The following RPTOR variants were observed in gnomAD, a reference collection of about 807,000 sequenced individuals.
RPTOR encodes the protein regulatory-associated protein of mTOR.
RPTOR carries 21 observed loss-of-function variants against 169.9 expected under a neutral mutation model. The ratio of observed to expected loss-of-function variants is 0.12; its 90% confidence interval spans 0.09 to 0.18. RPTOR has a LOEUF of 0.18. RPTOR is among the 10% of genes least tolerant of loss of function. The pLI is 1.00. For synonymous variants in RPTOR, 732 were observed against 753.2 expected, an observed-to-expected ratio of 0.97 and a Z score of 0.46; for missense variants, 1,133 against 1,855.9, an observed-to-expected ratio of 0.61 and a Z score of 7.16.
At chr17:80,888,546 G>C (rs2068276713) in intron 17 of RPTOR, among the ~76,000 whole-genome samples, 1 of 152,250 alleles carries the variant, frequency 6.6e-6, no homozygotes, top group African/African-American at 2.4e-5. Flanking sequence ...GAGGCGAGGT[G>C]GGCCAGTAGC....
At chr17:80,770,874 C>T (rs1174005360) in intron 6 of RPTOR, among the ~76,000 whole-genome samples, 2 of 152,330 alleles carry the variant, frequency 1.3e-5, no homozygotes, top group East Asian at 1.9e-4. Context: ...TTCCTTAAAT[C>T]GGGCATCTTC....
At chr17:80,699,718 T>C (rs113315017) in intron 3 of RPTOR, among the ~76,000 whole-genome samples, 1 of 129,882 alleles carries the variant, frequency 7.7e-6, no homozygotes, top group East Asian at 2.3e-4. Context: ...CTGTGCACGG[T>C]GCCCTGGTGC....
intron 5 of RPTOR, among the ~76,000 whole-genome samples, chr17:80,734,181 T>C (rs1473422484): frequency 6.7e-6 from 1 of 148,180 alleles, no homozygotes; most frequent in Non-Finnish European, 1.5e-5. Context: ...ACATTTCCTC[T>C]TTTCTTCTTG....
At chr17:80,666,880 A>G (rs9911744) in intron 3 of RPTOR, among the ~76,000 whole-genome samples, 1,994 of 152,188 alleles carry the variant, frequency 0.013, 59 homozygotes, top group African/African-American at 0.045. Flanking sequence ...AGCCATGCGA[A>G]TTACTGCCCG....
intron 5 of RPTOR, among the ~76,000 whole-genome samples, chr17:80,733,122 C>G (rs1414027526): frequency 6.6e-6 from 1 of 152,060 alleles, no homozygotes; most frequent in African/African-American, 2.4e-5. Flanking sequence ...GTCCTGGGAC[C>G]AGGAGGTTTA....
chr17:80,881,994 A>G (rs920373584), intron 14 of RPTOR, among the ~76,000 whole-genome samples: 4 of 152,258 alleles, frequency 2.6e-5, no homozygotes, highest in African/African-American at 4.8e-5. Context: ...TTCTAAACTC[A>G]TAAGCAGATC....
intron 25 of RPTOR, among the ~76,000 whole-genome samples, chr17:80,944,175 C>T (rs965258588): frequency 5.9e-5 from 9 of 152,310 alleles, no homozygotes; most frequent in East Asian, 5.8e-4. Flanking sequence ...GTTAAGTCCA[C>T]GTTCCCCTCT....
At position 80,658,129 on chromosome 17, in the gene RPTOR, T is replaced by A. The variant is rs1178758320; in HGVS notation, c.348+14319T>A. On this transcript the variant is annotated intron_variant, in intron 3 of 33. Transcript: ENST00000306801. ...TTTGCATGGTGTCAACATCATGGGG[T>A]TGGAGTTTCTATGTGGATTTTAAAC... is the stretch of plus-strand genomic sequence containing the variant. Among the ~76,000 whole-genome samples the A allele has an allele frequency of 2.6e-5, 4 of 152,324 alleles. No homozygotes were observed. The East Asian group carries it at 7.7e-4, about 29-fold the overall frequency.
chr17:80,904,066 G>C (rs146394307), intron 20 of RPTOR, among the ~76,000 whole-genome samples: 1 of 152,218 alleles, frequency 6.6e-6, no homozygotes, highest in South Asian at 2.1e-4. Flanking sequence ...CGATGCAGAC[G>C]CACCGCCCAC....
At chr17:80,933,810 A>G (rs1598409746) in intron 24 of RPTOR, among the ~76,000 whole-genome samples, 1 of 152,268 alleles carries the variant, frequency 6.6e-6, no homozygotes, top group East Asian at 1.9e-4. Flanking sequence ...ACCTTCCGTC[A>G]CTGCTTTATG....
At position 80,960,036 on chromosome 17, in the gene RPTOR, C is replaced by T. The variant is rs769671613; in HGVS notation, c.3478-42C>T. 1.9e-5 allele frequency: 31 copies of T among 1,606,872 alleles called. No individual in the cohort carries two copies. Among genetic ancestry groups the T allele is most frequent in the Non-Finnish European group, 2.5e-5 (29 of 1,175,746 alleles). On this transcript the variant is annotated intron_variant, in intron 29 of 33. Coordinates refer to ENST00000306801, the MANE Select transcript of RPTOR (RefSeq NM_020761.3). The surrounding 1 kb of genome is among the most constrained non-coding windows in gnomAD (Gnocchi z 4.8). The stretch of plus-strand genomic sequence containing the variant: ...CTGCAGGACAGCAGGGAGGGTGGCT[C>T]GGTGCCCCGGTCTTCACCGGGCTGC...
chr17:80,635,113 T>A (rs2171023), intron 2 of RPTOR, among the ~76,000 whole-genome samples: 14,368 of 152,260 alleles, frequency 0.094, 745 homozygotes, highest in Middle Eastern at 0.13. Context: ...GCTAATGTGG[T>A]GCCTCCTCCT....
rs187199661 is a variant in RPTOR at position 80,696,745 on chromosome 17, G to A, written c.349-11096G>A. Among the ~76,000 whole-genome samples the A allele has an allele frequency of 4.9e-3, 751 of 152,290 alleles. 1 individual carries two copies. Among genetic ancestry groups the A allele is most frequent in the Middle Eastern group, 0.01 (3 of 294 alleles). On this transcript the variant is annotated intron_variant, in intron 3 of 33. Coordinates refer to ENST00000306801, the MANE Select transcript of RPTOR (RefSeq NM_020761.3). ...TGCAGGCGGGAGCACGTGAGTGAGC[G>A]AGTGTGGGATCCAGCCAGCCCCCCC...
chr17:80,773,553 TC>T (rs1248190046), intron 6 of RPTOR, among the ~76,000 whole-genome samples: 1 of 152,208 alleles, frequency 6.6e-6, no homozygotes, highest in African/African-American at 2.4e-5. Context: ...TGTGCTTTGC[TC>T]CAAGGCAGGC....
chr17:80,730,774 G>GGGGGGGGGT lies in RPTOR; in HGVS notation c.654+68_654+69insGGGGGGGGT. 8.5e-7 allele frequency: 1 copy of GGGGGGGGGT among 1,173,522 alleles called. No homozygotes were observed. Among genetic ancestry groups the GGGGGGGGGT allele is most frequent in the South Asian group, 1.2e-5 (1 of 80,062 alleles). The allele number at this position is 1,173,522 out of a possible 1,614,324, so 72.7% of individuals were successfully genotyped here. On this transcript the variant is annotated intron_variant, in intron 5 of 33. Transcript: ENST00000306801. The surrounding 1 kb of genome is among the most constrained non-coding windows in gnomAD (Gnocchi z 4.2). ...TGTTTTCCCTGGGGGTGGGGTTTGG[G>GGGGGGGGGT]TGGGGAGGTTGGGAGGTGTTGGACA...
At chr17:80,666,106 C>T (rs956101437) in intron 3 of RPTOR, among the ~76,000 whole-genome samples, 4 of 151,986 alleles carry the variant, frequency 2.6e-5, no homozygotes, top group Admixed American at 2.6e-4. Context: ...CGATGCCTTT[C>T]AATATGAAAT....
At chr17:80,685,629 T>TATATATA (rs1433182285) in intron 3 of RPTOR, among the ~76,000 whole-genome samples, 2 of 22,146 alleles carry the variant, frequency 9.0e-5, no homozygotes, top group African/African-American at 1.5e-4. Flanking sequence ...ATATATATAT[T>TATATATA]TTTTTTTTTT....
chr17:80,912,824 A>G (rs1351897919), intron 21 of RPTOR, among the ~76,000 whole-genome samples: 1 of 152,212 alleles, frequency 6.6e-6, no homozygotes, highest in East Asian at 1.9e-4. Flanking sequence ...AACCGCCATA[A>G]AAGTGGCATT....
chr17:80,559,977 A>C (rs1401075361), intron 1 of RPTOR, among the ~76,000 whole-genome samples: 1 of 152,206 alleles, frequency 6.6e-6, no homozygotes, highest in Non-Finnish European at 1.5e-5. Context: ...GTTTTGTGGG[A>C]AATCACTGTT....
Sources: allele counts gnomAD v4.1 joint callset (sites outside exome capture counted in the v4.1 genomes callset), GRCh38; gene constraint gnomAD v4.1.1; non-coding constraint Gnocchi (gnomAD v3.1); transcripts MANE v1.5; gene names NCBI Gene and HGNC (gene_info 2026-07-23, HGNC 2026-07-21).